Variants in PHACTR1 observed in about 807,000 individuals in gnomAD.
PHACTR1 encodes phosphatase and actin regulator 1, also known as RPEL repeat containing 1.
A neutral mutation model predicts 69.2 loss-of-function variants in PHACTR1; 16 were observed. That is an observed-to-expected ratio of 0.23 (90% CI 0.16 to 0.35). The LOEUF (loss-of-function observed/expected upper bound fraction) is 0.35. Ranked by LOEUF, PHACTR1 falls within the 10% of genes least tolerant of loss-of-function variation. The pLI is 1.00. For missense variants in PHACTR1, 510 were observed against 734.7 expected, an observed-to-expected ratio of 0.69 and a Z score of 3.54; for synonymous variants, 312 against 284.5, an observed-to-expected ratio of 1.10 and a Z score of -0.97.
intron 4 of PHACTR1, among the ~76,000 whole-genome samples, chr6:12,967,521 GGAGA>G (rs1277075909): frequency 1.3e-5 from 2 of 152,166 alleles, no homozygotes; most frequent in Non-Finnish European, 2.9e-5. Flanking sequence ...CTGAAACCAG[GGAGA>G]GAGAGAAAAG....
At chr6:12,948,284 G>A (rs1372738106) in intron 4 of PHACTR1, among the ~76,000 whole-genome samples, 1 of 152,136 alleles carries the variant, frequency 6.6e-6, no homozygotes, top group Non-Finnish European at 1.5e-5. Context: ...TCATGATCAT[G>A]ACATTAACAT....
chr6:13,148,935 C>T (rs1823865313), intron 5 of PHACTR1, among the ~76,000 whole-genome samples: 1 of 152,218 alleles, frequency 6.6e-6, no homozygotes, highest in South Asian at 2.1e-4. Flanking sequence ...TCTACCAAGA[C>T]CACAGGAGTG....
chr6:13,198,270 G>A (rs553012561), intron 7 of PHACTR1, among the ~76,000 whole-genome samples: 57 of 151,992 alleles, frequency 3.8e-4, no homozygotes, highest in African/African-American at 1.2e-3. Context: ...AAAATGAAAG[G>A]GATTGAATTG....
At chr6:13,067,021 A>G (rs1428517933) in intron 5 of PHACTR1, among the ~76,000 whole-genome samples, 1 of 152,206 alleles carries the variant, frequency 6.6e-6, no homozygotes, top group East Asian at 1.9e-4. Flanking sequence ...TTTGGAAGCC[A>G]GCTACTACCA....
intron 4 of PHACTR1, among the ~76,000 whole-genome samples, chr6:12,966,032 T>C (rs1417548137): frequency 6.6e-6 from 1 of 151,960 alleles, no homozygotes; most frequent in Admixed American, 6.5e-5. Context: ...TATAAATGAT[T>C]GAGGGAGTAG....
chr6:13,002,639 T>G (rs1798225217), intron 4 of PHACTR1, among the ~76,000 whole-genome samples: 1 of 152,220 alleles, frequency 6.6e-6, no homozygotes, highest in Non-Finnish European at 1.5e-5. Flanking sequence ...GCTGTACCAA[T>G]GCCTGCCTCG....
At chr6:13,006,797 G>C (rs2127636452) in intron 4 of PHACTR1, among the ~76,000 whole-genome samples, 1 of 152,296 alleles carries the variant, frequency 6.6e-6, no homozygotes, top group East Asian at 1.9e-4. Flanking sequence ...GGACTGCTGT[G>C]GGTCGTTAGA....
chr6:12,827,202 G>A (rs899881949), intron 4 of PHACTR1, among the ~76,000 whole-genome samples: 3 of 152,144 alleles, frequency 2.0e-5, no homozygotes, highest in Non-Finnish European at 4.4e-5. Context: ...TTAGAGATAA[G>A]AACTTCCCAA....
chr6:12,987,253 AAC>A (rs1231901534), intron 4 of PHACTR1, among the ~76,000 whole-genome samples: 1 of 152,190 alleles, frequency 6.6e-6, no homozygotes, highest in Non-Finnish European at 1.5e-5. Context: ...TCCATTGAAA[AAC>A]ACTTAGAGAA....
intron 3 of PHACTR1, among the ~76,000 whole-genome samples, chr6:12,738,273 A>G (rs946784482): frequency 6.6e-6 from 1 of 152,194 alleles, no homozygotes; most frequent in Non-Finnish European, 1.5e-5. Flanking sequence ...AGGTGGTTAT[A>G]TATTTCCCTA....
intron 5 of PHACTR1, among the ~76,000 whole-genome samples, chr6:13,122,483 G>T (rs1212456733): frequency 6.6e-6 from 1 of 152,142 alleles, no homozygotes; most frequent in Non-Finnish European, 1.5e-5. Context: ...GTAGGTTAAC[G>T]TGTCCTGACA....
intron 4 of PHACTR1, among the ~76,000 whole-genome samples, chr6:12,830,683 G>A (rs965621549): frequency 2.0e-5 from 3 of 151,974 alleles, no homozygotes; most frequent in Non-Finnish European, 4.4e-5. Context: ...TCCATCTCCC[G>A]GGTTCAAGCG....
chr6:12,893,202 G>T (rs1217504700), intron 4 of PHACTR1, among the ~76,000 whole-genome samples: 3 of 152,154 alleles, frequency 2.0e-5, no homozygotes, highest in African/African-American at 4.8e-5. Context: ...GAAAACCAGG[G>T]CTCCAAGAGG....
intron 4 of PHACTR1, among the ~76,000 whole-genome samples, chr6:12,985,565 CAG>C (rs569513582): frequency 1.5e-4 from 22 of 142,638 alleles, no homozygotes; most frequent in Non-Finnish European, 2.9e-4. Context: ...TATATATACA[CAG>C]AGAGAGAGAG....
At chr6:13,240,787 A>T (rs1256169635) in intron 10 of PHACTR1, among the ~76,000 whole-genome samples, 3 of 152,174 alleles carry the variant, frequency 2.0e-5, no homozygotes, top group Non-Finnish European at 4.4e-5. Context: ...ATCCATCTAC[A>T]TTTAAAGACC....
chr6:12,891,532 A>T (rs2127469309), intron 4 of PHACTR1, among the ~76,000 whole-genome samples: 1 of 152,306 alleles, frequency 6.6e-6, no homozygotes, highest in South Asian at 2.1e-4. Context: ...AAGATGGATA[A>T]ACCTTACCAA....
intron 4 of PHACTR1, among the ~76,000 whole-genome samples, chr6:12,856,052 T>C (rs1180777116): frequency 1.3e-5 from 2 of 152,046 alleles, no homozygotes; most frequent in African/African-American, 4.8e-5. Context: ...AGGTAACATA[T>C]ATCTTTAATA....
intron 6 of PHACTR1, among the ~76,000 whole-genome samples, chr6:13,164,997 C>T (rs1203872419): frequency 6.6e-6 from 1 of 151,858 alleles, no homozygotes; most frequent in East Asian, 1.9e-4. Context: ...CATAATTTTA[C>T]AATCCAGAGA....
intron 4 of PHACTR1, among the ~76,000 whole-genome samples, chr6:12,806,020 T>C (rs1465143030): frequency 6.6e-6 from 1 of 152,164 alleles, no homozygotes; most frequent in Admixed American, 6.6e-5. Flanking sequence ...ACTTCCCAAA[T>C]CCCAATTTTA....
Sources: gnomAD v4.1 joint callset for allele counts (sites outside exome capture counted in the v4.1 genomes callset) on GRCh38, gnomAD v4.1.1 for gene constraint, MANE v1.5 for transcripts, NCBI Gene and HGNC (gene_info 2026-07-23, HGNC 2026-07-21) for gene names.